Variants in SLC17A7 observed in about 807,000 individuals in gnomAD.
The protein encoded by SLC17A7 is solute carrier family 17 member 7, also known as vesicular glutamate transporter 1.
A neutral mutation model predicts 59.1 loss-of-function variants in SLC17A7; 15 were observed. The ratio of observed to expected loss-of-function variants is 0.25; its 90% CI spans 0.17 to 0.39. The LOEUF (loss-of-function observed/expected upper bound fraction) is 0.39. Among genes scored for constraint, SLC17A7 ranks in the 10% least tolerant of loss-of-function variants. The probability of loss-of-function intolerance (pLI) is 1.00; values close to 1 mark genes in which losing one functional copy is unlikely to be tolerated. For missense variants in SLC17A7, 499 were observed against 765.1 expected (o/e 0.65, Z 4.10); for synonymous variants, 353 against 308.9 (o/e 1.14, Z -1.50).
chr19:49,432,765 C>T (rs776832877), intron 8 of SLC17A7, 46 bp downstream of exon 8: 2 of 1,591,422 alleles, frequency 1.3e-6, no homozygotes, highest in African/African-American at 2.7e-5. Flanking sequence ...CAGTTCCCTC[C>T]CGCCGACCCC....
chr19:49,439,556 C>A (rs2078992065), intron 1 of SLC17A7, among the ~76,000 whole-genome samples: 1 of 152,210 alleles, frequency 6.6e-6, no homozygotes, highest in South Asian at 2.1e-4. Context: ...GGGTTCAAAT[C>A]ATGGGGCTCA....
Position 49,435,240 on chromosome 19 carries a change from C to G in SLC17A7, c.362G>C (p.Gly121Ala), listed in dbSNP as rs769508232. 1 of 1,614,130 alleles carries G rather than the reference C, an allele frequency of 6.2e-7. No homozygotes were observed. Among genetic ancestry groups the G allele is most frequent in the Non-Finnish European group, 8.5e-7 (1 of 1,180,008 alleles). The change falls in exon 3 of 12, where the codon GGC becomes GCC. Residue 121 changes from glycine to alanine, a missense_variant. By Grantham distance (60) the Gly-to-Ala change is moderately conservative (BLOSUM62 0). Around this residue, in one of 3 missense-constraint regions of SLC17A7, gnomAD observed 323 missense variants for 607.2 expected, o/e 0.53. Transcript: ENST00000221485. ...GACAATGTAGCCCCAGAAAAAGGAGCCGTGTATGAGGCCGACAGTCTCTGG... is the reference window on the plus strand; with the variant it reads ...GACAATGTAGCCCCAGAAAAAGGAGGCGTGTATGAGGCCGACAGTCTCTGG... ...WDPETVGLIH[G>A]SFFWGYIVTQ... is the part of the protein sequence containing the mutation.
At chr19:49,439,304 T>C (rs2078991106) in intron 1 of SLC17A7, among the ~76,000 whole-genome samples, 1 of 152,104 alleles carries the variant, frequency 6.6e-6, no homozygotes. Flanking sequence ...GGAGCTGAAG[T>C]GGCACTCCAA....
At position 49,430,398 on chromosome 19, in the gene SLC17A7, G is replaced by A. The variant is rs2078953677; in HGVS notation, c.*121C>T. The A allele has an allele frequency of 4.4e-6, 3 of 685,560 alleles. No individual in the cohort carries two copies. Among genetic ancestry groups the A allele is most frequent in the African/African-American group, 1.8e-5 (1 of 54,970 alleles). 42.5% of individuals were successfully genotyped at this position (685,560 alleles called of 1,614,324 possible). Reference sequence around the variant, plus strand: ...GGATTTGACAGCACTGGGAACAAGGGAGAGTGCTTCTTAGGCCTGAGGCAG... The same window carrying A: ...GGATTTGACAGCACTGGGAACAAGGAAGAGTGCTTCTTAGGCCTGAGGCAG... On this transcript the variant is annotated 3_prime_UTR_variant, in exon 12 of 12. Transcript: ENST00000221485.
chr19:49,434,820 C>T lies in SLC17A7; in HGVS notation c.497G>A (p.Arg166His), dbSNP rs2122299008. The change falls in exon 4 of 12, where the codon CGC becomes CAC. Residue 166 changes from arginine to histidine, a missense_variant. Coordinates refer to ENST00000221485, the MANE Select transcript of SLC17A7 (RefSeq NM_020309.4). ...TLNMLIPSAA[R>H]VHYGCVIFVR... ...GAAGATGACACAGCCATAGTGGACG[C>T]GGGCAGCTGAGGGGATCAGCATGTT... 1 of 1,614,144 alleles carries T rather than the reference C, an allele frequency of 6.2e-7. No individual in the cohort carries two copies. The highest frequency in any genetic ancestry group is 8.5e-7 in the Non-Finnish European group (1 of 1,180,034).
chr19:49,441,255 G>C (rs2122311692), intron 1 of SLC17A7, 63 bp downstream of exon 1: 1 of 1,573,960 alleles, frequency 6.4e-7, no homozygotes, highest in Admixed American at 1.8e-5. Context: ...TCTGCGCCCA[G>C]GTGGGAATTA....
In SLC17A7 at chr19:49,431,305, G is replaced by C. The variant is rs761918595; in HGVS notation, c.1261+33C>G. On this transcript the variant is annotated intron_variant, in intron 10 of 11. Coordinates refer to ENST00000221485, the MANE Select transcript of SLC17A7 (RefSeq NM_020309.4). This position sits in a 1 kb window ranked among gnomAD's most constrained non-coding sequence, Gnocchi z 4.6. ...AGGAAGTTCCCTACAGAGCTGACCA[G>C]AGTCCCCCAAGCTGCGGATCCGCGG... 7 of 1,609,000 alleles carry C rather than the reference G, an allele frequency of 4.4e-6. No homozygotes were observed.
chr19:49,441,206 T>C (rs1306060587), intron 1 of SLC17A7, 112 bp downstream of exon 1: 5 of 1,518,368 alleles, frequency 3.3e-6, no homozygotes, highest in African/African-American at 1.4e-5. Context: ...GACAGATGGG[T>C]GGACCCCCAT....
Position 49,431,168 on chromosome 19 carries a change from G to C in SLC17A7, c.1262-26C>G. 1 of 1,605,690 alleles carries C rather than the reference G, an allele frequency of 6.2e-7. No homozygotes were observed. Among genetic ancestry groups the C allele is most frequent in the Non-Finnish European group, 8.5e-7 (1 of 1,174,938 alleles). ...CTGGCGGAGAGACAAGTCGGAAGGC[G>C]TCACACCGGAATCTCACTCGAGTGA... is the stretch of plus-strand genomic sequence containing the variant. On this transcript the variant is annotated intron_variant, in intron 10 of 11. Transcript: ENST00000221485. The surrounding 1 kb of genome is among the most constrained non-coding windows in gnomAD (Gnocchi z 4.6).
chr19:49,434,003 G>A lies in SLC17A7; in HGVS notation c.681C>T (p.Val227=), dbSNP rs1295023013. Residue 227 remains valine (V), a synonymous_variant, in exon 6 of 12, where the codon GTC becomes GTT. Coordinates refer to ENST00000221485, the MANE Select transcript of SLC17A7 (RefSeq NM_020309.4). ...AGCTCCATCCTGAGTACTGCACAAG[G>A]ACCCCGGCGAGGGGCATCGCGACCA... ...GAVVAMPLAG[V]LVQYSGWSSV... The A allele has an allele frequency of 6.2e-7, 1 of 1,613,408 alleles. No individual in the cohort carries two copies.
In SLC17A7 at chr19:49,436,409, C is replaced by A; in HGVS notation, c.315+140G>T. Reference sequence around the variant, plus strand: ...GGCGAGGTCAGAACTAAGGGGCGCACGGATTGGGCGGAGCTATTCCGACAG... The same window carrying A: ...GGCGAGGTCAGAACTAAGGGGCGCAAGGATTGGGCGGAGCTATTCCGACAG... On this transcript the variant is annotated intron_variant, in intron 2 of 11. Transcript: ENST00000221485. The surrounding 1 kb of genome is among the most constrained non-coding windows in gnomAD (Gnocchi z 4.1). 4 of 1,159,300 alleles carry A rather than the reference C, an allele frequency of 3.5e-6. No homozygotes were observed. Among genetic ancestry groups the A allele is most frequent in the Non-Finnish European group, 4.8e-6 (4 of 827,818 alleles). The allele number at this position is 1,159,300 out of a possible 1,614,324, so 71.8% of individuals were successfully genotyped here.
rs1226016862 is a variant in SLC17A7 at position 49,436,100 on chromosome 19, C to T, written c.315+449G>A. 1 of 181,986 alleles carries T rather than the reference C, an allele frequency of 5.5e-6. No individual in the cohort carries two copies. The highest frequency in any genetic ancestry group is 1.2e-5 in the Non-Finnish European group (1 of 84,196). The allele number at this position is 181,986 out of a possible 1,614,324, so 11.3% of individuals were successfully genotyped here. A position where few individuals can be genotyped will look rare whatever the true frequency, so the allele number is the denominator to read the frequency against. On this transcript the variant is annotated intron_variant, in intron 2 of 11. Coordinates refer to ENST00000221485, the MANE Select transcript of SLC17A7 (RefSeq NM_020309.4). This position sits in a 1 kb window ranked among gnomAD's most constrained non-coding sequence, Gnocchi z 4.1. ...ACCCTGTGGGTCTTTAGATAAGGGA[C>T]ACAACACATGCAGTGGGACGTAGGC...
Position 49,433,991 on chromosome 19 carries a change from G to A in SLC17A7, c.693C>T (p.Tyr231=), listed in dbSNP as rs373252240. 6.2e-6 allele frequency: 10 copies of A among 1,613,476 alleles called. No homozygotes were observed. Among genetic ancestry groups the A allele is most frequent in the Non-Finnish European group, 8.5e-6 (10 of 1,179,952 alleles). The change falls in exon 6 of 12, where the codon TAC becomes TAT. Residue 231 remains tyrosine (Y), a synonymous_variant. Coordinates refer to ENST00000221485, the MANE Select transcript of SLC17A7 (RefSeq NM_020309.4). This position sits in a 1 kb window ranked among gnomAD's most constrained non-coding sequence, Gnocchi z 5.7. ...CGTAGAAAACAGAGCTCCATCCTGA[G>A]TACTGCACAAGGACCCCGGCGAGGG... ...AMPLAGVLVQ[Y]SGWSSVFYVY... is the part of the protein sequence containing the mutation.
rs567994114 is a variant in SLC17A7, at chr19:49,435,033, A to G, written c.434+135T>C. The G allele has an allele frequency of 3.2e-4, 325 of 1,009,954 alleles. No homozygotes were observed. The African/African-American group carries it at 4.3e-3, about 13-fold the overall frequency. The allele number at this position is 1,009,954 out of a possible 1,614,324, so 62.6% of individuals were successfully genotyped here. A position where few individuals can be genotyped will look rare whatever the true frequency, so the allele number is the denominator to read the frequency against. ...TACACCTTCCTCAATCGCAAGCCCC[A>G]CCTTTCTCTAAGACCCACCCCCAAA... is the stretch of plus-strand genomic sequence containing the variant. On this transcript the variant is annotated intron_variant, in intron 3 of 11. Transcript: ENST00000221485.
Position 49,433,008 on chromosome 19 carries a change from G to A in SLC17A7, c.868-48C>T. 1 of 1,553,562 alleles carries A rather than the reference G, an allele frequency of 6.4e-7. No individual in the cohort carries two copies. The highest frequency in any genetic ancestry group is 8.8e-7 in the Non-Finnish European group (1 of 1,140,706). On this transcript the variant is annotated intron_variant, in intron 7 of 11. Transcript: ENST00000221485. This position sits in a 1 kb window ranked among gnomAD's most constrained non-coding sequence, Gnocchi z 5.7. ...GCTAAGACGGGGAGCGGGGCTGAGG[G>A]CTTCTCCGCGTCCCTTCAGGGACCA...
In SLC17A7 at chr19:49,436,843, C is replaced by G. The variant is rs2078981832; in HGVS notation, c.63-42G>C. 2 of 1,588,022 alleles carry G rather than the reference C, an allele frequency of 1.3e-6. No individual in the cohort carries two copies. The highest frequency in any genetic ancestry group is 1.1e-5 in the South Asian group (1 of 90,378). The stretch of plus-strand genomic sequence containing the variant: ...GCCAGAGACTCGGAAGTCCAGGCCC[C>G]CAGCCCCCTCACCCCCAAGACCAGG... On this transcript the variant is annotated intron_variant, in intron 1 of 11. Coordinates refer to ENST00000221485, the MANE Select transcript of SLC17A7 (RefSeq NM_020309.4). The surrounding 1 kb of genome is among the most constrained non-coding windows in gnomAD (Gnocchi z 4.1).
intron 1 of SLC17A7, among the ~76,000 whole-genome samples, chr19:49,439,589 ACCCCAGAATGGAG>A (rs1304042886): frequency 6.6e-6 from 1 of 152,114 alleles, no homozygotes; most frequent in Non-Finnish European, 1.5e-5. Context: ...GATCTCCCCA[ACCCCAGAATGGAG>A]CCTCAGTTTC....
chr19:49,440,313 G>T (rs1219603487), intron 1 of SLC17A7, among the ~76,000 whole-genome samples: 3 of 152,220 alleles, frequency 2.0e-5, no homozygotes, highest in Admixed American at 6.5e-5. Context: ...GGCGGCAGGG[G>T]CATGGTGCTG....
At position 49,433,054 on chromosome 19, in the gene SLC17A7, C is replaced by A; in HGVS notation, c.868-94G>T. 7.6e-7 allele frequency: 1 copy of A among 1,324,416 alleles called. No individual in the cohort carries two copies. The highest frequency in any genetic ancestry group is 1.0e-6 in the Non-Finnish European group (1 of 961,170). 82.0% of individuals were successfully genotyped at this position (1,324,416 alleles called of 1,614,324 possible). A position where few individuals can be genotyped will look rare whatever the true frequency, so the allele number is the denominator to read the frequency against. ...GACCACAGTGTAGTTCTGCAGAAAC[C>A]AAAGGATCCCGACCGCACTGAAACT... On this transcript the variant is annotated intron_variant, in intron 7 of 11. Transcript: ENST00000221485. This position sits in a 1 kb window ranked among gnomAD's most constrained non-coding sequence, Gnocchi z 5.7.
Sources: allele counts gnomAD v4.1 joint callset (sites outside exome capture counted in the v4.1 genomes callset), GRCh38; gene constraint gnomAD v4.1.1; regional missense constraint gnomAD v4.1.1; non-coding constraint Gnocchi (gnomAD v3.1); transcripts MANE v1.5; gene names NCBI Gene and HGNC (gene_info 2026-07-23, HGNC 2026-07-21).